Variants in EYA4 observed in about 807,000 individuals in gnomAD.
The protein encoded by EYA4 is protein phosphatase EYA4.
Under a neutral mutation model 87.9 loss-of-function variants are expected in EYA4, and 31 were observed. The ratio of observed to expected loss-of-function variants is 0.35; its 90% CI spans 0.27 to 0.48. The LOEUF (loss-of-function observed/expected upper bound fraction) is 0.48, where lower values mean the gene tolerates loss of function less well. Ranked by LOEUF, EYA4 falls within the 20% of genes least tolerant of loss-of-function variation. EYA4 has a pLI of 0.99. For synonymous variants in EYA4, 263 were observed against 270.6 expected, an observed-to-expected ratio of 0.97 and a Z score of 0.28; for missense variants, 678 against 761.4, an observed-to-expected ratio of 0.89 and a Z score of 1.29.
chr6:133,496,803 T>C (rs3777869), intron 13 of EYA4, among the ~76,000 whole-genome samples: 4,809 of 152,284 alleles, frequency 0.032, 266 homozygotes, highest in East Asian at 0.18. Flanking sequence ...CATAAAAATA[T>C]ACCTTCTTTC....
At chr6:133,490,264 C>A (rs577025676) in intron 13 of EYA4, among the ~76,000 whole-genome samples, 1 of 151,602 alleles carries the variant, frequency 6.6e-6, no homozygotes, top group Admixed American at 6.6e-5. Context: ...GAGGAAACCA[C>A]AAAACAACCA....
At chr6:133,243,654 C>CT (rs200732942) in intron 1 of EYA4, among the ~76,000 whole-genome samples, 4,944 of 134,296 alleles carry the variant, frequency 0.037, 220 homozygotes, top group African/African-American at 0.11. Context: ...GAATCAGTGC[C>CT]TTTTTTTTTT....
intron 1 of EYA4, among the ~76,000 whole-genome samples, chr6:133,259,974 A>C (rs9375949): frequency 0.14 from 21,696 of 152,208 alleles, 1,991 homozygotes; most frequent in Non-Finnish European, 0.2. Context: ...ATTTCTTTAG[A>C]TGTATCTAAT....
At chr6:133,350,316 A>C (rs757266887) in intron 2 of EYA4, among the ~76,000 whole-genome samples, 10 of 152,134 alleles carry the variant, frequency 6.6e-5, no homozygotes, top group African/African-American at 1.2e-4. Context: ...ATAATGTTCA[A>C]ATTAACTCGT....
chr6:133,369,500 A>C (rs1187055913), intron 2 of EYA4, among the ~76,000 whole-genome samples: 1 of 151,878 alleles, frequency 6.6e-6, no homozygotes, highest in Non-Finnish European at 1.5e-5. Flanking sequence ...ATTAAATAAA[A>C]ATGTCTGTAA....
At chr6:133,513,245 C>A (rs1799312204) in intron 16 of EYA4, among the ~76,000 whole-genome samples, 2 of 152,178 alleles carry the variant, frequency 1.3e-5, no homozygotes, top group African/African-American at 4.8e-5. Flanking sequence ...ATTGGGAATT[C>A]TTTGTGTAAC....
chr6:133,449,139 T>G (rs906369264), intron 5 of EYA4, among the ~76,000 whole-genome samples: 3 of 152,248 alleles, frequency 2.0e-5, no homozygotes, highest in African/African-American at 4.8e-5. Flanking sequence ...AGGGTCTTTT[T>G]CTCTAAAGGG....
intron 2 of EYA4, among the ~76,000 whole-genome samples, chr6:133,326,164 C>A (rs952652874): frequency 1.3e-5 from 2 of 152,192 alleles, no homozygotes; most frequent in African/African-American, 4.8e-5. Context: ...CTGGCCAGAG[C>A]AGCCTGGTTC....
At chr6:133,482,014 T>C (rs887253427) in intron 12 of EYA4, among the ~76,000 whole-genome samples, 2 of 152,244 alleles carry the variant, frequency 1.3e-5, no homozygotes, top group East Asian at 1.9e-4. Context: ...GAAAGAAAAA[T>C]TCATCTTCTA....
intron 3 of EYA4, among the ~76,000 whole-genome samples, chr6:133,386,530 C>A (rs1252898445): frequency 6.6e-5 from 10 of 152,098 alleles, no homozygotes; most frequent in African/African-American, 2.4e-4. Flanking sequence ...ATTTCTATTT[C>A]TGTTTCTCTT....
chr6:133,442,676 T>C (rs76619328), intron 3 of EYA4, among the ~76,000 whole-genome samples: 3,114 of 152,246 alleles, frequency 0.02, 112 homozygotes, highest in African/African-American at 0.069. Context: ...CTTTGTCTTG[T>C]ACTGGCTAAG....
chr6:133,342,776 A>G (rs1242628058), intron 2 of EYA4, among the ~76,000 whole-genome samples: 3 of 151,740 alleles, frequency 2.0e-5, no homozygotes, highest in Non-Finnish European at 4.4e-5. Context: ...CTAAATCAAC[A>G]ACTAGGATTG....
At chr6:133,336,944 T>C (rs1186248513) in intron 2 of EYA4, among the ~76,000 whole-genome samples, 4 of 149,842 alleles carry the variant, frequency 2.7e-5, no homozygotes, top group Non-Finnish European at 4.5e-5. Context: ...TGCTTCACCC[T>C]ATGCATCTGG....
intron 2 of EYA4, among the ~76,000 whole-genome samples, chr6:133,365,348 C>T (rs556938183): frequency 3.3e-5 from 5 of 152,228 alleles, no homozygotes; most frequent in African/African-American, 1.2e-4. Flanking sequence ...TAGTTTTAGC[C>T]ACTTCCTGCC....
intron 2 of EYA4, among the ~76,000 whole-genome samples, chr6:133,374,333 T>C (rs1785502012): frequency 6.6e-6 from 1 of 151,988 alleles, no homozygotes; most frequent in Non-Finnish European, 1.5e-5. Context: ...CATGATTTTG[T>C]CTAACCTCCC....
intron 2 of EYA4, among the ~76,000 whole-genome samples, chr6:133,342,429 G>T (rs1583010024): frequency 6.7e-6 from 1 of 148,504 alleles, no homozygotes; most frequent in South Asian, 2.1e-4. Flanking sequence ...TCCATCCAAG[G>T]GAAGGAAGCA....
intron 1 of EYA4, among the ~76,000 whole-genome samples, chr6:133,250,762 C>T (rs545783584): frequency 1.3e-5 from 2 of 152,276 alleles, no homozygotes; most frequent in East Asian, 3.9e-4. Context: ...GATTTTGCTT[C>T]AGTTTCTCAT....
chr6:133,295,531 C>G (rs1778882135), intron 2 of EYA4, among the ~76,000 whole-genome samples: 2 of 152,038 alleles, frequency 1.3e-5, no homozygotes, highest in South Asian at 4.2e-4. Context: ...TAATTATAAA[C>G]CACAGTGATT....
intron 19 of EYA4, among the ~76,000 whole-genome samples, chr6:133,528,002 T>A (rs540501287): frequency 6.6e-6 from 1 of 152,208 alleles, no homozygotes; most frequent in Non-Finnish European, 1.5e-5. Flanking sequence ...TATACTATTA[T>A]AGTATATCTT....
Sources: allele counts gnomAD v4.1 joint callset (sites outside exome capture counted in the v4.1 genomes callset), GRCh38; gene constraint gnomAD v4.1.1; transcripts MANE v1.5; gene names NCBI Gene and HGNC (gene_info 2026-07-23, HGNC 2026-07-21).